KIF26B: variants seen among roughly 807,000 people sequenced by gnomAD.
KIF26B encodes the protein kinesin family member 26B.
In KIF26B, 63 loss-of-function variants were observed where a neutral mutation model predicts 151.2. That is an observed-to-expected ratio of 0.42 (90% CI 0.34 to 0.51). The LOEUF (loss-of-function observed/expected upper bound fraction) is 0.51, where lower values mean the gene tolerates loss of function less well. KIF26B is among the 20% of genes least tolerant of loss of function. KIF26B has a pLI of 0.07. For synonymous variants in KIF26B, 1,357 were observed against 1,262.1 expected, an observed-to-expected ratio of 1.08 and a Z score of -1.59; for missense variants, 2,813 against 2,913.6, an observed-to-expected ratio of 0.97 and a Z score of 0.79.
At chr1:245,157,965 A>G (rs1668473411) in intron 2 of KIF26B, among the ~76,000 whole-genome samples, 1 of 152,230 alleles carries the variant, frequency 6.6e-6, no homozygotes, top group Non-Finnish European at 1.5e-5. Flanking sequence ...AGGTCCATTC[A>G]TGCAGTCCTT....
chr1:245,464,529 ATG>A (rs1273227459), intron 4 of KIF26B, among the ~76,000 whole-genome samples: 3 of 117,968 alleles, frequency 2.5e-5, no homozygotes, highest in Non-Finnish European at 5.2e-5. Context: ...GTGTGGCACC[ATG>A]TGTGTGGGTG....
At chr1:245,629,639 C>T (rs1356911876) in intron 9 of KIF26B, among the ~76,000 whole-genome samples, 2 of 152,076 alleles carry the variant, frequency 1.3e-5, no homozygotes, top group Non-Finnish European at 2.9e-5. Context: ...ACCATAAAAA[C>T]CCTAGAAGAA....
intron 5 of KIF26B, among the ~76,000 whole-genome samples, chr1:245,555,547 C>CT (rs1447045241): frequency 6.6e-6 from 1 of 152,100 alleles, no homozygotes; most frequent in Non-Finnish European, 1.5e-5. Context: ...CAGGAAGCGG[C>CT]TGCTCAGATG....
In KIF26B at chr1:245,698,846, G is replaced by A. The variant is rs556428211; in HGVS notation, c.6028-41G>A. On this transcript the variant is annotated intron_variant, in intron 13 of 14. Transcript: ENST00000407071. This position sits in a 1 kb window ranked among gnomAD's most constrained non-coding sequence, Gnocchi z 4.0. ...GGTGCTCCTGTGGTGTGGGCTGGGT[G>A]TGAGCAGAAGGGCCCTTTCTCCTCT... 73 of 1,595,952 alleles carry A rather than the reference G, an allele frequency of 4.6e-5. 2 individuals are homozygous for A. In the South Asian group the frequency reaches 8.2e-4, roughly 18 times the overall value.
chr1:245,386,616 T>A (rs370900379), intron 3 of KIF26B, among the ~76,000 whole-genome samples: 14 of 152,170 alleles, frequency 9.2e-5, no homozygotes, highest in African/African-American at 3.4e-4. Flanking sequence ...ACAGCAAGGC[T>A]CAGAGGGCTC....
chr1:245,303,652 G>A (rs1045025355), intron 2 of KIF26B, among the ~76,000 whole-genome samples: 3 of 152,322 alleles, frequency 2.0e-5, no homozygotes, highest in Non-Finnish European at 4.4e-5. Flanking sequence ...CTATCTAACA[G>A]TAGTAGTTTC....
chr1:245,624,940 T>C (rs898704690), intron 9 of KIF26B, among the ~76,000 whole-genome samples: 8 of 152,222 alleles, frequency 5.3e-5, no homozygotes, highest in Non-Finnish European at 8.8e-5. Flanking sequence ...AAGTAGTTTT[T>C]TTCAGGTTGA....
intron 3 of KIF26B, among the ~76,000 whole-genome samples, chr1:245,386,558 T>C (rs1673550805): frequency 6.6e-6 from 1 of 150,506 alleles, no homozygotes; most frequent in Admixed American, 6.6e-5. Context: ...CCATACAGGA[T>C]GTGTTTGCCT....
At chr1:245,644,347 T>A (rs1052931037) in intron 9 of KIF26B, among the ~76,000 whole-genome samples, 19 of 152,212 alleles carry the variant, frequency 1.2e-4, no homozygotes, top group African/African-American at 3.4e-4. Context: ...TGTGTCTTTT[T>A]AAATATATAT....
intron 3 of KIF26B, among the ~76,000 whole-genome samples, chr1:245,382,162 C>T (rs573908880): frequency 1.8e-4 from 28 of 152,204 alleles, no homozygotes; most frequent in African/African-American, 5.1e-4. Flanking sequence ...TCCATAGTAG[C>T]GGCCCCATTT....
intron 5 of KIF26B, among the ~76,000 whole-genome samples, chr1:245,554,287 T>C (rs1356061750): frequency 3.3e-5 from 5 of 152,356 alleles, no homozygotes; most frequent in African/African-American, 1.2e-4. Context: ...CTGAAAATGC[T>C]TAGCCATATG....
chr1:245,417,897 A>C (rs1674458901), intron 3 of KIF26B, among the ~76,000 whole-genome samples: 1 of 152,238 alleles, frequency 6.6e-6, no homozygotes, highest in Non-Finnish European at 1.5e-5. Context: ...GAAATATGGT[A>C]ATGAAAGGAA....
intron 2 of KIF26B, among the ~76,000 whole-genome samples, chr1:245,171,522 C>G (rs545097276): frequency 1.3e-5 from 2 of 151,900 alleles, no homozygotes; most frequent in Non-Finnish European, 2.9e-5. Context: ...CCAGCCTAGG[C>G]GACAGAGTGA....
chr1:245,568,543 T>C (rs1020759583), intron 5 of KIF26B, among the ~76,000 whole-genome samples: 5 of 152,190 alleles, frequency 3.3e-5, no homozygotes, highest in Non-Finnish European at 5.9e-5. Flanking sequence ...GAAAGGCATG[T>C]GAGACATTAC....
At chr1:245,553,436 C>T (rs1192954991) in intron 5 of KIF26B, among the ~76,000 whole-genome samples, 1 of 152,212 alleles carries the variant, frequency 6.6e-6, no homozygotes, top group African/African-American at 2.4e-5. Flanking sequence ...GTGGCGGAGG[C>T]TGAGGCTGGT....
rs998910866 is a variant in KIF26B, at chr1:245,564,536, TAAG to T, written c.1350+23590_1350+23592del. On this transcript the variant is annotated intron_variant, in intron 5 of 14. Transcript: ENST00000407071. This position sits in a 1 kb window ranked among gnomAD's most constrained non-coding sequence, Gnocchi z 4.6. ...CACTGTCTGCAGTAATTCAAAAGGA[TAAG>T]AAGGACTCCTTTCACTGTGCATCTT... 1.3e-5 allele frequency among the ~76,000 whole-genome samples: 2 copies of T among 152,132 alleles called. No individual in the cohort carries two copies. The highest frequency in any genetic ancestry group is 2.9e-5 in the Non-Finnish European group (2 of 68,026).
intron 4 of KIF26B, among the ~76,000 whole-genome samples, chr1:245,536,403 C>T (rs186882866): frequency 2.2e-3 from 330 of 152,240 alleles, no homozygotes; most frequent in African/African-American, 7.3e-3. Flanking sequence ...AGCTCTCTTC[C>T]CTGGTAAAAT....
chr1:245,247,066 C>T (rs1670348242), intron 2 of KIF26B, among the ~76,000 whole-genome samples: 1 of 152,134 alleles, frequency 6.6e-6, no homozygotes, highest in Admixed American at 6.6e-5. Flanking sequence ...AAGATCTAGA[C>T]AGATTGTTCA....
intron 3 of KIF26B, among the ~76,000 whole-genome samples, chr1:245,418,894 C>T (rs1658390595): frequency 6.6e-6 from 1 of 152,134 alleles, no homozygotes; most frequent in African/African-American, 2.4e-5. Flanking sequence ...GGACCGAGCT[C>T]CATCCACTAG....
Sources: allele counts gnomAD v4.1 joint callset (sites outside exome capture counted in the v4.1 genomes callset), GRCh38; gene constraint gnomAD v4.1.1; non-coding constraint Gnocchi (gnomAD v3.1); transcripts MANE v1.5; gene names NCBI Gene and HGNC (gene_info 2026-07-23, HGNC 2026-07-21).